MAGI1: variants seen among roughly 807,000 people sequenced by gnomAD.
MAGI1 encodes membrane-associated guanylate kinase, WW and PDZ domain-containing protein 1.
Under a neutral mutation model 139.9 loss-of-function variants are expected in MAGI1, and 58 were observed. The observed-to-expected ratio is 0.41, with a 90% CI of 0.34 to 0.52. MAGI1 has a LOEUF of 0.52. MAGI1 is among the 20% of genes least tolerant of loss of function. MAGI1 has a pLI of 0.12. For missense variants in MAGI1, 1,874 were observed against 1,901.6 expected, an observed-to-expected ratio of 0.99 and a Z score of 0.27; for synonymous variants, 812 against 737.9, an observed-to-expected ratio of 1.10 and a Z score of -1.63.
intron 18 of MAGI1, among the ~76,000 whole-genome samples, chr3:65,375,043 G>T (rs1033396886): frequency 2.6e-5 from 4 of 152,028 alleles, no homozygotes; most frequent in South Asian, 4.2e-4. Context: ...CACCATGCAG[G>T]TTTTCTCATG....
chr3:65,365,335 G>A (rs966078670), intron 18 of MAGI1: 12 of 383,552 alleles, frequency 3.1e-5, no homozygotes, highest in African/African-American at 2.3e-4. Context: ...GATAATTAAT[G>A]TCTCTACCAA....
chr3:65,365,453 C>A (rs558943707), intron 18 of MAGI1, among the ~76,000 whole-genome samples: 1 of 152,270 alleles, frequency 6.6e-6, no homozygotes, highest in Non-Finnish European at 1.5e-5. Context: ...ATATAATATC[C>A]ACTTTCTTTC....
rs1052210400 is a variant in MAGI1 at position 65,489,952 on chromosome 3, T to C, written c.550+3560A>G. 4.6e-5 allele frequency among the ~76,000 whole-genome samples: 7 copies of C among 152,306 alleles called. No individual in the cohort carries two copies. In the East Asian group the frequency reaches 9.6e-4, roughly 21 times the overall value. Reference sequence around the variant, plus strand: ...TAAAGAGTGCTTTGTGTTGTTGTGGTAGACTTTTCCTCTCTGGAACCAGCA... The same window carrying C: ...TAAAGAGTGCTTTGTGTTGTTGTGGCAGACTTTTCCTCTCTGGAACCAGCA... On this transcript the variant is annotated intron_variant, in intron 3 of 22. Transcript: ENST00000402939.
intron 1 of MAGI1, among the ~76,000 whole-genome samples, chr3:65,786,034 C>T (rs948381457): frequency 6.6e-6 from 1 of 151,574 alleles, no homozygotes; most frequent in Non-Finnish European, 1.5e-5. Flanking sequence ...CTCACTGCTG[C>T]AACCTCTGCC....
chr3:65,420,961 C>T (rs142388124), intron 12 of MAGI1, among the ~76,000 whole-genome samples: 2 of 152,198 alleles, frequency 1.3e-5, no homozygotes, highest in East Asian at 3.9e-4. Context: ...GTCTGAGTTG[C>T]ATACAAATGT....
intron 5 of MAGI1, among the ~76,000 whole-genome samples, chr3:65,454,412 G>A (rs1428812454): frequency 1.3e-5 from 2 of 151,424 alleles, no homozygotes; most frequent in African/African-American, 4.9e-5. Context: ...GGATAGCATT[G>A]GGAGATATTC....
chr3:66,029,981 T>C (rs1363492704), intron 1 of MAGI1, among the ~76,000 whole-genome samples: 1 of 152,154 alleles, frequency 6.6e-6, no homozygotes, highest in Non-Finnish European at 1.5e-5. Flanking sequence ...GGACACTCAA[T>C]TAATTTTAAA....
At chr3:65,755,775 C>T (rs891744671) in intron 1 of MAGI1, among the ~76,000 whole-genome samples, 3 of 152,132 alleles carry the variant, frequency 2.0e-5, no homozygotes, top group African/African-American at 7.2e-5. Context: ...TGCAAAGTTA[C>T]CATTATTATT....
intron 10 of MAGI1, among the ~76,000 whole-genome samples, chr3:65,436,167 ATTTC>A (rs1553643781): frequency 1.3e-5 from 2 of 152,158 alleles, no homozygotes; most frequent in East Asian, 1.9e-4. Context: ...CAGAGAAACA[ATTTC>A]TTTCTTATGA....
rs3077818 is a variant in MAGI1 at position 65,819,875 on chromosome 3, C to CAAAAAAAAA, written c.314-197796_314-197788dup. 3.2e-3 allele frequency among the ~76,000 whole-genome samples: 106 copies of CAAAAAAAAA among 33,456 alleles called. 6 individuals are homozygous for CAAAAAAAAA. The highest frequency in any genetic ancestry group is 7.9e-3 in the African/African-American group (94 of 11,824). The allele number at this position is 33,456 out of a possible 152,430, so 21.9% of individuals were successfully genotyped here. ...CTAGCCACAGAGCAAGACTCCATCT[C>CAAAAAAAAA]AAAAAAAAAAAAAAAAAAAAAAGGA... On this transcript the variant is annotated intron_variant, in intron 1 of 22. Coordinates refer to ENST00000402939, the MANE Select transcript of MAGI1 (RefSeq NM_001033057.2).
At chr3:65,569,237 C>A (rs550963076) in intron 2 of MAGI1, among the ~76,000 whole-genome samples, 2 of 152,222 alleles carry the variant, frequency 1.3e-5, no homozygotes, top group Non-Finnish European at 2.9e-5. Flanking sequence ...TAGTCAAATT[C>A]ATGGAGACAG....
intron 1 of MAGI1, among the ~76,000 whole-genome samples, chr3:65,672,458 T>C (rs1302809809): frequency 1.3e-5 from 2 of 152,222 alleles, no homozygotes; most frequent in East Asian, 1.9e-4. Context: ...TATCAGATTA[T>C]ATCGGTTTAG....
chr3:66,007,891 A>ATT (rs35578902), intron 1 of MAGI1, among the ~76,000 whole-genome samples: 144 of 122,472 alleles, frequency 1.2e-3, no homozygotes, highest in Non-Finnish European at 1.6e-3. Context: ...GGCTCCATAG[A>ATT]TTTTTTTTTT....
At position 65,483,353 on chromosome 3, in the gene MAGI1, C is replaced by T. The variant is rs544554457; in HGVS notation, c.551-4555G>A. Among the ~76,000 whole-genome samples, 7 of 152,322 alleles carry T rather than the reference C, an allele frequency of 4.6e-5. No homozygotes were observed. In the East Asian group the frequency reaches 1.4e-3, roughly 29 times the overall value. Reference sequence around the variant, plus strand: ...CTCTTACCTGACCTGTCTGGCCCCTCAGGCATTTGAGTTCATGACTCTAAC... The same window carrying T: ...CTCTTACCTGACCTGTCTGGCCCCTTAGGCATTTGAGTTCATGACTCTAAC... On this transcript the variant is annotated intron_variant, in intron 3 of 22. Transcript: ENST00000402939.
intron 1 of MAGI1, among the ~76,000 whole-genome samples, chr3:65,784,736 G>GA (rs57155277): frequency 6.6e-6 from 1 of 150,894 alleles, no homozygotes; most frequent in African/African-American, 2.4e-5. Flanking sequence ...AAAAAGAAAA[G>GA]AAAAAAAAAA....
rs572313020 is a variant in MAGI1 at position 65,774,409 on chromosome 3, C to G, written c.314-152321G>C. On this transcript the variant is annotated intron_variant, in intron 1 of 22. Coordinates refer to ENST00000402939, the MANE Select transcript of MAGI1 (RefSeq NM_001033057.2). ...TGAGCAAAAATTGTGTCCTGTATCC[C>G]TCTTGGATAATTAGTTTCTGAAGTC... Among the ~76,000 whole-genome samples the G allele has an allele frequency of 7.9e-5, 12 of 152,220 alleles. No individual in the cohort carries two copies. In the East Asian group the frequency reaches 1.9e-3, roughly 25 times the overall value.
At chr3:65,872,422 C>G (rs2059969229) in intron 1 of MAGI1, among the ~76,000 whole-genome samples, 1 of 152,216 alleles carries the variant, frequency 6.6e-6, no homozygotes, top group Non-Finnish European at 1.5e-5. Flanking sequence ...CTTCTCCATT[C>G]TACCTTCATC....
At chr3:65,418,668 A>G (rs1037861927) in intron 12 of MAGI1, among the ~76,000 whole-genome samples, 2 of 152,256 alleles carry the variant, frequency 1.3e-5, no homozygotes, top group East Asian at 3.9e-4. Context: ...TCCATACACA[A>G]GAACGCTGTG....
At chr3:65,652,543 C>T (rs778335065) in intron 1 of MAGI1, among the ~76,000 whole-genome samples, 39 of 152,092 alleles carry the variant, frequency 2.6e-4, no homozygotes, top group Non-Finnish European at 4.7e-4. Flanking sequence ...TCAAATGTCT[C>T]CTGGAAAATA....
Sources: allele counts gnomAD v4.1 joint callset (sites outside exome capture counted in the v4.1 genomes callset), GRCh38; gene constraint gnomAD v4.1.1; transcripts MANE v1.5; gene names NCBI Gene and HGNC (gene_info 2026-07-23, HGNC 2026-07-21).